The following TMEM140 variants were observed in gnomAD, a reference collection of about 807,000 sequenced individuals.
The protein encoded by TMEM140 is transmembrane protein 140.
For missense variants in TMEM140, 236 were observed against 228.5 expected, an observed-to-expected ratio of 1.03 and a Z score of -0.21; for synonymous variants, 107 against 106.8, an observed-to-expected ratio of 1.00 and a Z score of -0.01.
At chr7:135,162,737 A>T (rs1327990666) in intron 1 of TMEM140, among the ~76,000 whole-genome samples, 1 of 152,252 alleles carries the variant, frequency 6.6e-6, no homozygotes, top group Admixed American at 6.5e-5. Flanking sequence ...ATTCAAGATG[A>T]GATTTGGGTA....
chr7:135,162,093 C>G (rs1373305028), intron 1 of TMEM140, among the ~76,000 whole-genome samples: 4 of 152,246 alleles, frequency 2.6e-5, no homozygotes, highest in African/African-American at 9.6e-5. Context: ...GAGCTGCCCT[C>G]TCTCTCAGCC....
At chr7:135,150,251 C>T (rs1016901058) in intron 1 of TMEM140, among the ~76,000 whole-genome samples, 3 of 152,190 alleles carry the variant, frequency 2.0e-5, no homozygotes, top group Non-Finnish European at 4.4e-5. Context: ...GGACTCAAAA[C>T]AAATATCTCT....
chr7:135,157,101 C>T (rs1407651353), intron 1 of TMEM140, among the ~76,000 whole-genome samples: 2 of 152,200 alleles, frequency 1.3e-5, no homozygotes, highest in African/African-American at 4.8e-5. Context: ...TCTTTATCAG[C>T]AGTGTGAAAA....
At chr7:135,158,786 A>G (rs1829857655) in intron 1 of TMEM140, among the ~76,000 whole-genome samples, 1 of 152,216 alleles carries the variant, frequency 6.6e-6, no homozygotes, top group Non-Finnish European at 1.5e-5. Flanking sequence ...CCAGGGGTGC[A>G]TGGGAGCACC....
At chr7:135,164,314 C>T (rs2117474678) in intron 1 of TMEM140, 104 bp from the exon 2 acceptor site, 1 of 960,282 alleles carries the variant, frequency 1.0e-6, no homozygotes, top group South Asian at 1.7e-5. Flanking sequence ...AGGAGGGAAA[C>T]TTGCCATGAG....
At position 135,162,869 on chromosome 7, in the gene TMEM140, C is replaced by T. The variant is rs187980085; in HGVS notation, c.-24-1549C>T. Among the ~76,000 whole-genome samples the T allele has an allele frequency of 7.2e-5, 11 of 152,286 alleles. No homozygotes were observed. The East Asian group carries it at 9.6e-4, about 13-fold the overall frequency. ...TGGACAAAGCCCTTCTGATTTAAAACGGAGTGAAAAGAATTTTTTAAAAGA... is the reference window on the plus strand; with the variant it reads ...TGGACAAAGCCCTTCTGATTTAAAATGGAGTGAAAAGAATTTTTTAAAAGA... On this transcript the variant is annotated intron_variant, in intron 1 of 1. Transcript: ENST00000275767.
chr7:135,156,492 C>A (rs542360721), intron 1 of TMEM140, among the ~76,000 whole-genome samples: 1 of 151,960 alleles, frequency 6.6e-6, no homozygotes, highest in Non-Finnish European at 1.5e-5. Context: ...GTGTAGTCTA[C>A]TGTTGAAGTT....
chr7:135,154,583 TTTGTC>T (rs1193442319), intron 1 of TMEM140, among the ~76,000 whole-genome samples: 1 of 152,214 alleles, frequency 6.6e-6, no homozygotes, highest in Non-Finnish European at 1.5e-5. Context: ...ATGTTTTTAA[TTTGTC>T]TTAATTTCTT....
At chr7:135,153,222 A>C (rs1234780139) in intron 1 of TMEM140, 1 of 152,270 alleles carries the variant, frequency 6.6e-6, no homozygotes, top group Non-Finnish European at 1.5e-5. Flanking sequence ...TTCAGAGGCC[A>C]AGGTGGGCAG....
At position 135,151,931 on chromosome 7, in the gene TMEM140, G is replaced by A. The variant is rs528882704; in HGVS notation, c.-25+3661G>A. On this transcript the variant is annotated intron_variant, in intron 1 of 1. Transcript: ENST00000275767. The surrounding 1 kb of genome is among the most constrained non-coding windows in gnomAD (Gnocchi z 4.3). ...AAACATAAATGAGACCAGCTTCCTAGAGTTCATCTCTGGGAATGAACCCTG... is the reference window on the plus strand; with the variant it reads ...AAACATAAATGAGACCAGCTTCCTAAAGTTCATCTCTGGGAATGAACCCTG... Among the ~76,000 whole-genome samples the A allele has an allele frequency of 3.1e-4, 47 of 152,202 alleles. No homozygotes were observed. The highest frequency in any genetic ancestry group is 5.6e-4 in the Non-Finnish European group (38 of 68,012).
At chr7:135,159,424 C>T (rs1471619262) in intron 1 of TMEM140, among the ~76,000 whole-genome samples, 1 of 152,200 alleles carries the variant, frequency 6.6e-6, no homozygotes, top group East Asian at 1.9e-4. Flanking sequence ...GGTGCTTAAA[C>T]CAACAAAAAA....
chr7:135,153,739 T>A (rs149557617), intron 1 of TMEM140, among the ~76,000 whole-genome samples: 10 of 152,326 alleles, frequency 6.6e-5, no homozygotes, highest in Non-Finnish European at 1.3e-4. Flanking sequence ...TGGATTTGAT[T>A]TACTAGTATT....
At chr7:135,156,681 A>G (rs1357862630) in intron 1 of TMEM140, among the ~76,000 whole-genome samples, 1 of 152,058 alleles carries the variant, frequency 6.6e-6, no homozygotes, top group East Asian at 1.9e-4. Context: ...TTTAAAATCA[A>G]TATTTTGAAT....
rs1830059720 is a variant in TMEM140 at position 135,165,076 on chromosome 7, G to A, written c.*77G>A. ...ATCTGCTCAGCCATCTCATTTTACAGCTAACGCTGATCTCCAGCTCCAGCG... is the reference window on the plus strand; with the variant it reads ...ATCTGCTCAGCCATCTCATTTTACAACTAACGCTGATCTCCAGCTCCAGCG... On this transcript the variant is annotated 3_prime_UTR_variant, in exon 2 of 2. Coordinates refer to ENST00000275767, the MANE Select transcript of TMEM140 (RefSeq NM_018295.5). 1.6e-5 allele frequency: 23 copies of A among 1,474,720 alleles called. 1 individual carries two copies. The South Asian group carries it at 3.2e-4, about 20-fold the overall frequency. The allele number at this position is 1,474,720 out of a possible 1,614,324, so 91.4% of individuals were successfully genotyped here. A position where few individuals can be genotyped will look rare whatever the true frequency, so the allele number is the denominator to read the frequency against.
chr7:135,165,429 A>T lies in TMEM140; in HGVS notation c.*430A>T, dbSNP rs1481207712. On this transcript the variant is annotated 3_prime_UTR_variant, in exon 2 of 2. Transcript: ENST00000275767. ...AACAAACGAGGACATTAAAAGAGCG[A>T]GCACCTCAGTGTCTCTGGGGACATG... is the stretch of plus-strand genomic sequence containing the variant. The T allele has an allele frequency of 5.6e-6, 1 of 178,808 alleles. No homozygotes were observed. Among genetic ancestry groups the T allele is most frequent in the Admixed American group, 5.7e-5 (1 of 17,508 alleles). The allele number at this position is 178,808 out of a possible 1,614,324, so 11.1% of individuals were successfully genotyped here.
chr7:135,158,827 C>T lies in TMEM140; in HGVS notation c.-24-5591C>T, dbSNP rs564017968. On this transcript the variant is annotated intron_variant, in intron 1 of 1. Transcript: ENST00000275767. ...TCCCGTCTCCCTCCTTGAAGCAGCTCGGCAGCAAGAGCCATGTCTGTAGAG... is the reference window on the plus strand; with the variant it reads ...TCCCGTCTCCCTCCTTGAAGCAGCTTGGCAGCAAGAGCCATGTCTGTAGAG... Among the ~76,000 whole-genome samples the T allele has an allele frequency of 7.9e-4, 120 of 152,286 alleles. 1 individual carries two copies. The highest frequency in any genetic ancestry group is 2.6e-3 in the African/African-American group (109 of 41,554).
At chr7:135,162,937 T>C (rs1271118974) in intron 1 of TMEM140, among the ~76,000 whole-genome samples, 1 of 152,246 alleles carries the variant, frequency 6.6e-6, no homozygotes, top group Non-Finnish European at 1.5e-5. Context: ...AGAGGGACTA[T>C]GATTAGCAAA....
At position 135,164,488 on chromosome 7, in the gene TMEM140, G is replaced by T; in HGVS notation, c.47G>T (p.Ser16Ile). The change falls in exon 2 of 2, where the codon AGC (serine) becomes ATC (isoleucine). Residue 16 changes from serine (S) to isoleucine (I), a missense_variant. Ser to Ile is a moderately radical substitution (Grantham distance 142). Coordinates refer to ENST00000275767, the MANE Select transcript of TMEM140 (RefSeq NM_018295.5). ...TGGCGCGACCAGCTGCTGTTCATGAGCATCATAGTCCTCGTGATTGTGGTC... is the reference window on the plus strand; with the variant it reads ...TGGCGCGACCAGCTGCTGTTCATGATCATCATAGTCCTCGTGATTGTGGTC... The part of the protein sequence containing the change: ...PRWRDQLLFM[S>I]IIVLVIVVIC... 1 of 1,608,736 alleles carries T rather than the reference G, an allele frequency of 6.2e-7. No homozygotes were observed. The highest frequency in any genetic ancestry group is 8.5e-7 in the Non-Finnish European group (1 of 1,175,378).
Position 135,164,482 on chromosome 7 carries a change from T to C in TMEM140, c.41T>C (p.Phe14Ser). The C allele has an allele frequency of 6.2e-7, 1 of 1,605,072 alleles. No individual in the cohort carries two copies. The highest frequency in any genetic ancestry group is 8.5e-7 in the Non-Finnish European group (1 of 1,172,324). ...PRPRWRDQLL[F>S]MSIIVLVIVV... ...CCTCGGTGGCGCGACCAGCTGCTGT[T>C]CATGAGCATCATAGTCCTCGTGATT... The change falls in exon 2 of 2, where the codon TTC becomes TCC. Residue 14 changes from phenylalanine to serine, a missense_variant. Physicochemically the swap from Phe to Ser is radical, Grantham distance 155 (BLOSUM62 -2). Coordinates refer to ENST00000275767, the MANE Select transcript of TMEM140 (RefSeq NM_018295.5).
Sources: allele counts gnomAD v4.1 joint callset (sites outside exome capture counted in the v4.1 genomes callset), GRCh38; gene constraint gnomAD v4.1.1; non-coding constraint Gnocchi (gnomAD v3.1); transcripts MANE v1.5; gene names NCBI Gene and HGNC (gene_info 2026-07-23, HGNC 2026-07-21).